NRXN3: variants seen among roughly 807,000 people sequenced by gnomAD.
NRXN3 encodes neurexin 3.
A neutral mutation model predicts 137.6 loss-of-function variants in NRXN3; 32 were observed. That is an observed-to-expected ratio of 0.23 (90% CI 0.18 to 0.31). NRXN3 has a LOEUF of 0.31. Ranked by LOEUF, NRXN3 falls within the 10% of genes least tolerant of loss-of-function variation. The pLI is 1.00. For missense variants in NRXN3, 1,574 were observed against 2,062.5 expected (o/e 0.76, Z 4.59); for synonymous variants, 798 against 784.5 (o/e 1.02, Z -0.29).
chr14:78,468,377 G>T (rs2095176282), intron 4 of NRXN3, among the ~76,000 whole-genome samples: 1 of 152,142 alleles, frequency 6.6e-6, no homozygotes, highest in African/African-American at 2.4e-5. Flanking sequence ...TGCTGATGTG[G>T]CTGAGCTTCC....
intron 4 of NRXN3, among the ~76,000 whole-genome samples, chr14:78,488,005 A>G (rs1295762683): frequency 6.6e-6 from 1 of 152,138 alleles, no homozygotes; most frequent in Non-Finnish European, 1.5e-5. Context: ...ATTTTCTCAC[A>G]GTTCTGGAGG....
chr14:78,435,488 A>G (rs1265931223), intron 4 of NRXN3, among the ~76,000 whole-genome samples: 1 of 152,206 alleles, frequency 6.6e-6, no homozygotes, highest in Non-Finnish European at 1.5e-5. Flanking sequence ...CCGCACTCAC[A>G]TTAAAGACCT....
intron 15 of NRXN3, among the ~76,000 whole-genome samples, chr14:78,999,139 A>G (rs922040714): frequency 2.6e-5 from 4 of 152,146 alleles, no homozygotes; most frequent in East Asian, 3.9e-4. Context: ...TATACCTTGT[A>G]GTGTTTTGGC....
chr14:78,635,294 T>C (rs1340036855), intron 4 of NRXN3, among the ~76,000 whole-genome samples: 1 of 152,202 alleles, frequency 6.6e-6, no homozygotes, highest in Admixed American at 6.5e-5. Flanking sequence ...AAAGTTCATA[T>C]GGTAAAAAAT....
intron 13 of NRXN3, among the ~76,000 whole-genome samples, chr14:78,967,904 C>G (rs963778091): frequency 6.6e-6 from 1 of 152,046 alleles, no homozygotes; most frequent in African/African-American, 2.4e-5. Context: ...TAAATGCTTG[C>G]TTTGTTGACA....
At chr14:79,236,284 A>C (rs552535495) in intron 15 of NRXN3, among the ~76,000 whole-genome samples, 2 of 152,100 alleles carry the variant, frequency 1.3e-5, no homozygotes, top group Non-Finnish European at 1.5e-5. Context: ...TAGGCATTAA[A>C]TATTTATATG....
chr14:79,372,719 A>C (rs949512196), intron 15 of NRXN3, among the ~76,000 whole-genome samples: 4 of 152,126 alleles, frequency 2.6e-5, no homozygotes, highest in African/African-American at 9.7e-5. Flanking sequence ...GAATGATTTT[A>C]ATATTAGCTT....
chr14:79,014,519 G>A (rs1279100861), intron 15 of NRXN3, among the ~76,000 whole-genome samples: 2 of 152,142 alleles, frequency 1.3e-5, no homozygotes, highest in Non-Finnish European at 2.9e-5. Flanking sequence ...GGGCATTTAG[G>A]TTGATTCCAT....
chr14:78,555,444 A>G (rs1434538290), intron 4 of NRXN3, among the ~76,000 whole-genome samples: 2 of 152,164 alleles, frequency 1.3e-5, no homozygotes, highest in Non-Finnish European at 2.9e-5. Context: ...ATTTGTTTCT[A>G]TGCAAACATG....
chr14:78,997,476 G>A (rs541758013), intron 15 of NRXN3, among the ~76,000 whole-genome samples: 2 of 152,240 alleles, frequency 1.3e-5, no homozygotes, highest in South Asian at 2.1e-4. Context: ...TCACATACAG[G>A]TGCAATTCCA....
intron 4 of NRXN3, among the ~76,000 whole-genome samples, chr14:78,590,255 G>C (rs1305277558): frequency 6.6e-6 from 1 of 152,192 alleles, no homozygotes. Flanking sequence ...GGGGCCTGTA[G>C]AAGTAATGAC....
intron 20 of NRXN3, among the ~76,000 whole-genome samples, chr14:79,827,330 G>T (rs2099307706): frequency 6.6e-6 from 1 of 152,050 alleles, no homozygotes; most frequent in Non-Finnish European, 1.5e-5. Context: ...TGAAATAAGT[G>T]ACAGCTAAGA....
At chr14:79,288,230 T>G (rs189518816) in intron 15 of NRXN3, among the ~76,000 whole-genome samples, 2 of 152,344 alleles carry the variant, frequency 1.3e-5, no homozygotes, top group African/African-American at 2.4e-5. Context: ...TTCAGTGCAG[T>G]CACGCTGAGA....
intron 6 of NRXN3, among the ~76,000 whole-genome samples, chr14:78,684,392 G>T (rs2098107036): frequency 6.6e-6 from 1 of 152,190 alleles, no homozygotes; most frequent in African/African-American, 2.4e-5. Flanking sequence ...ACGCTTGAAA[G>T]CTCCAAAGCC....
In NRXN3 at chr14:79,857,074, G is replaced by A. The variant is rs190371372; in HGVS notation, c.4094-4268G>A. Among the ~76,000 whole-genome samples, 103 of 152,226 alleles carry A rather than the reference G, an allele frequency of 6.8e-4. No homozygotes were observed. The South Asian group carries it at 7.5e-3, about 11-fold the overall frequency. ...ATTTGCTTCCATGAATACTTTTGTA[G>A]GCATGGGACACATAGTTGATCACTG... On this transcript the variant is annotated intron_variant, in intron 20 of 20. Transcript: ENST00000335750.
chr14:79,702,569 A>G (rs953376592), intron 19 of NRXN3, among the ~76,000 whole-genome samples: 29 of 151,938 alleles, frequency 1.9e-4, no homozygotes, highest in East Asian at 5.8e-4. Context: ...TCTCTGGGAG[A>G]GATAGCCAAG....
intron 4 of NRXN3, among the ~76,000 whole-genome samples, chr14:78,391,902 G>A (rs1163600207): frequency 6.6e-6 from 1 of 152,046 alleles, no homozygotes; most frequent in Non-Finnish European, 1.5e-5. Flanking sequence ...TCTCAGAATG[G>A]AAGGATGAGG....
At chr14:78,446,236 A>G (rs900753890) in intron 4 of NRXN3, among the ~76,000 whole-genome samples, 4 of 152,110 alleles carry the variant, frequency 2.6e-5, no homozygotes, top group African/African-American at 9.7e-5. Flanking sequence ...AATTTAGCCT[A>G]TTCCCTCTCT....
At chr14:78,835,335 C>A (rs1015281811) in intron 10 of NRXN3, among the ~76,000 whole-genome samples, 1 of 152,162 alleles carries the variant, frequency 6.6e-6, no homozygotes, top group African/African-American at 2.4e-5. Context: ...GCTGCTCCTG[C>A]AGTTGGTGGT....
Sources: gnomAD v4.1 joint callset for allele counts (sites outside exome capture counted in the v4.1 genomes callset) on GRCh38, gnomAD v4.1.1 for gene constraint, MANE v1.5 for transcripts, NCBI Gene and HGNC (gene_info 2026-07-23, HGNC 2026-07-21) for gene names.